LRRC4C: variants seen among roughly 807,000 people sequenced by gnomAD.
The protein encoded by LRRC4C is leucine rich repeat containing 4C, also known as leucine-rich repeat-containing protein 4C.
Under a neutral mutation model 33.6 loss-of-function variants are expected in LRRC4C, and 5 were observed. The observed-to-expected ratio is 0.15, with a 90% CI of 0.08 to 0.31. The LOEUF (loss-of-function observed/expected upper bound fraction) is 0.31. Ranked by LOEUF, LRRC4C falls within the 10% of genes least tolerant of loss-of-function variation. The pLI is 1.00. For missense variants in LRRC4C, 560 were observed against 796.7 expected (o/e 0.70, Z 3.58); for synonymous variants, 329 against 302.0 (o/e 1.09, Z -0.93).
At chr11:41,188,781 T>C (rs148837589) in intron 1 of LRRC4C, among the ~76,000 whole-genome samples, 2 of 152,044 alleles carry the variant, frequency 1.3e-5, no homozygotes, top group East Asian at 3.9e-4. Context: ...GTATTAGCTG[T>C]TTGGTTTTGG....
At chr11:41,058,470 T>C (rs1201105142) in intron 1 of LRRC4C, among the ~76,000 whole-genome samples, 1 of 152,244 alleles carries the variant, frequency 6.6e-6, no homozygotes, top group Non-Finnish European at 1.5e-5. Flanking sequence ...AAGCAGGTAG[T>C]GTGAGCCAAG....
intron 1 of LRRC4C, among the ~76,000 whole-genome samples, chr11:41,144,037 A>G (rs576576920): frequency 6.6e-6 from 1 of 152,214 alleles, no homozygotes; most frequent in Non-Finnish European, 1.5e-5. Context: ...TTCACTTGCA[A>G]TAATCACTAT....
intron 2 of LRRC4C, among the ~76,000 whole-genome samples, chr11:40,865,532 T>TATAA (rs1491241083): frequency 6.9e-6 from 1 of 144,044 alleles, no homozygotes; most frequent in South Asian, 2.2e-4. Context: ...TATATATATA[T>TATAA]AATTTCAAAA....
intron 2 of LRRC4C, among the ~76,000 whole-genome samples, chr11:40,734,069 T>A (rs2136822423): frequency 6.6e-6 from 1 of 152,254 alleles, no homozygotes; most frequent in Admixed American, 6.5e-5. Flanking sequence ...TCAACTGACA[T>A]TACAATTGTC....
chr11:40,554,568 C>G (rs1004880360), intron 3 of LRRC4C, among the ~76,000 whole-genome samples: 1 of 152,054 alleles, frequency 6.6e-6, no homozygotes, highest in Non-Finnish European at 1.5e-5. Flanking sequence ...GCCATGTTAA[C>G]AATACTGATT....
intron 6 of LRRC4C, among the ~76,000 whole-genome samples, chr11:40,120,067 C>T (rs1855719658): frequency 2.0e-5 from 3 of 152,234 alleles, no homozygotes; most frequent in African/African-American, 4.8e-5. Flanking sequence ...ACTGGCTGAT[C>T]CTGCTGCTTC....
chr11:41,007,047 T>A (rs779022909), intron 1 of LRRC4C, among the ~76,000 whole-genome samples: 1 of 152,114 alleles, frequency 6.6e-6, no homozygotes, highest in Non-Finnish European at 1.5e-5. Flanking sequence ...CATAACTTCA[T>A]CTCTAGTGTT....
chr11:40,671,961 G>A (rs1458537616), intron 2 of LRRC4C, among the ~76,000 whole-genome samples: 4 of 151,992 alleles, frequency 2.6e-5, no homozygotes, highest in African/African-American at 9.7e-5. Context: ...TTGAATTAAG[G>A]GATAAGTTTC....
intron 5 of LRRC4C, among the ~76,000 whole-genome samples, chr11:40,193,081 C>T (rs1337208684): frequency 1.3e-5 from 2 of 152,164 alleles, no homozygotes; most frequent in Non-Finnish European, 2.9e-5. Context: ...AGAGGATCTC[C>T]CAGCACAGTG....
At chr11:40,633,419 C>T (rs1348630126) in intron 3 of LRRC4C, among the ~76,000 whole-genome samples, 1 of 104,442 alleles carries the variant, frequency 9.6e-6, no homozygotes, top group African/African-American at 3.3e-5. Context: ...GACAGAGTCT[C>T]ACTCTATCGC....
intron 3 of LRRC4C, among the ~76,000 whole-genome samples, chr11:40,636,213 CA>C (rs767388423): frequency 6.6e-6 from 1 of 152,104 alleles, no homozygotes; most frequent in Non-Finnish European, 1.5e-5. Context: ...TCCCACTGGA[CA>C]TCTATCTCAG....
intron 1 of LRRC4C, among the ~76,000 whole-genome samples, chr11:41,185,681 AC>A (rs1945662265): frequency 6.6e-6 from 1 of 152,150 alleles, no homozygotes; most frequent in African/African-American, 2.4e-5. Flanking sequence ...TACTTACAAA[AC>A]TTGTATTTGC....
At chr11:40,429,879 T>C (rs896057308) in intron 3 of LRRC4C, among the ~76,000 whole-genome samples, 2 of 152,198 alleles carry the variant, frequency 1.3e-5, no homozygotes, top group African/African-American at 4.8e-5. Flanking sequence ...CTTTCTCCTT[T>C]TGCTCTTTTT....
chr11:40,451,476 C>T lies in LRRC4C; in HGVS notation c.-269-131755G>A, dbSNP rs150359168. On this transcript the variant is annotated intron_variant, in intron 3 of 6. Transcript: ENST00000528697. ...TCTCTGCTCTCTGCAACCTCCGCCT[C>T]CTGGGTTCAAGTAATTCTCCTGCCT... Among the ~76,000 whole-genome samples the T allele has an allele frequency of 9.6e-3, 1,356 of 141,406 alleles. 13 individuals carry two copies. The highest frequency in any genetic ancestry group is 0.015 in the Non-Finnish European group (974 of 66,446). The allele number at this position is 141,406 out of a possible 152,430, so 92.8% of individuals were successfully genotyped here.
intron 3 of LRRC4C, among the ~76,000 whole-genome samples, chr11:40,585,631 C>T (rs1958694543): frequency 8.9e-6 from 1 of 112,818 alleles, no homozygotes; most frequent in Non-Finnish European, 1.7e-5. Flanking sequence ...CCTCCCCCCA[C>T]CCCACAACAG....
At chr11:41,244,509 C>A (rs1490625072) in intron 1 of LRRC4C, among the ~76,000 whole-genome samples, 2 of 152,086 alleles carry the variant, frequency 1.3e-5, no homozygotes, top group Non-Finnish European at 2.9e-5. Flanking sequence ...GCTATTAATG[C>A]TGAAATAACA....
chr11:40,665,364 G>GTATATATATATATATATATATATATGTA (rs1189493857), intron 2 of LRRC4C, among the ~76,000 whole-genome samples: 2 of 24,612 alleles, frequency 8.1e-5, no homozygotes, highest in African/African-American at 2.8e-4. Flanking sequence ...ATATATATAT[G>GTATATATATATATATATATATATATGTA]TATATATATA....
intron 1 of LRRC4C, chr11:41,394,661 C>A (rs1416994837): frequency 6.6e-6 from 1 of 151,914 alleles, no homozygotes; most frequent in Non-Finnish European, 1.5e-5. Context: ...GTGCTGGGTC[C>A]ATGGTCAGCC....
intron 3 of LRRC4C, among the ~76,000 whole-genome samples, chr11:40,470,206 G>C (rs1430889285): frequency 1.3e-5 from 2 of 152,186 alleles, no homozygotes; most frequent in Non-Finnish European, 2.9e-5. Context: ...AATGTTTGCT[G>C]TTCTGCAGCT....
Sources: gnomAD v4.1 joint callset for allele counts (sites outside exome capture counted in the v4.1 genomes callset) on GRCh38, gnomAD v4.1.1 for gene constraint, MANE v1.5 for transcripts, NCBI Gene and HGNC (gene_info 2026-07-23, HGNC 2026-07-21) for gene names.